EFCAB5: variants seen among roughly 807,000 people sequenced by gnomAD.
The protein encoded by EFCAB5 is EF-hand calcium-binding domain-containing protein 5.
Under a neutral mutation model 167.9 loss-of-function variants are expected in EFCAB5, and 131 were observed. That is an observed-to-expected ratio of 0.78 (90% CI 0.68 to 0.90). The LOEUF is 0.90. EFCAB5 is among the 40% of genes least tolerant of loss of function. The pLI is 0.00. For synonymous variants in EFCAB5, 574 were observed against 602.8 expected (o/e 0.95, Z 0.70); for missense variants, 1,663 against 1,745.2 (o/e 0.95, Z 0.84).
intron 7 of EFCAB5, among the ~76,000 whole-genome samples, chr17:30,031,005 G>T (rs1220277176): frequency 6.6e-6 from 1 of 152,072 alleles, no homozygotes; most frequent in African/African-American, 2.4e-5. Context: ...TAAAATTGGT[G>T]TTCTTCCAAA....
At chr17:30,092,409 CG>C (rs1372898556) in intron 21 of EFCAB5, among the ~76,000 whole-genome samples, 5 of 151,910 alleles carry the variant, frequency 3.3e-5, no homozygotes, top group African/African-American at 1.2e-4. Context: ...TTTTTTGAGA[CG>C]GAGTTTCACT....
chr17:29,997,101 C>T (rs751116335), intron 6 of EFCAB5, among the ~76,000 whole-genome samples: 3 of 151,738 alleles, frequency 2.0e-5, no homozygotes, highest in African/African-American at 4.8e-5. Flanking sequence ...AAAAATTAGC[C>T]GGGCATGGTG....
chr17:29,960,416 C>T (rs978505658), intron 3 of EFCAB5, among the ~76,000 whole-genome samples: 6 of 152,258 alleles, frequency 3.9e-5, no homozygotes, highest in Middle Eastern at 3.4e-3. Context: ...TGCTCTGCCT[C>T]TCTCAAAATT....
chr17:30,009,640 G>A (rs1290604929), intron 7 of EFCAB5, among the ~76,000 whole-genome samples: 1 of 152,034 alleles, frequency 6.6e-6, no homozygotes, highest in Non-Finnish European at 1.5e-5. Context: ...TCATCAGTTG[G>A]TGGACATTTC....
At chr17:30,020,942 G>GTAATAAAGTTTACACTAGAAGA (rs71138867) in intron 7 of EFCAB5, among the ~76,000 whole-genome samples, 5 of 151,784 alleles carry the variant, frequency 3.3e-5, no homozygotes, top group South Asian at 2.1e-4. Context: ...ACAAATTATT[G>GTAATAAAGTTTACACTAGAAGA]TATCAGCATG....
Position 30,092,903 on chromosome 17 carries a change from GT to G in EFCAB5, c.4290del (p.Asn1431MetfsTer39). On this transcript the variant is annotated frameshift_variant, in exon 22 of 23. Coordinates refer to ENST00000394835, the MANE Select transcript of EFCAB5 (RefSeq NM_198529.4). LOFTEE classifies it low-confidence loss of function (END_TRUNC). ...TGATCCAACTGCCAAGCATGTGGAA[GT>G]TAATGTACAGCTTATTGATGAATAT... ...AFDPTAKHVE[V>X]NVQLIDEYIR... 6.2e-7 allele frequency: 1 copy of G among 1,611,526 alleles called. No individual in the cohort carries two copies.
chr17:30,011,429 A>C (rs528467245), intron 7 of EFCAB5, among the ~76,000 whole-genome samples: 8 of 152,210 alleles, frequency 5.3e-5, no homozygotes, highest in African/African-American at 1.9e-4. Context: ...GATTCTTCCT[A>C]TCCATGAGCA....
At chr17:30,061,052 T>C (rs546307813) in intron 14 of EFCAB5, among the ~76,000 whole-genome samples, 1 of 152,214 alleles carries the variant, frequency 6.6e-6, no homozygotes, top group Non-Finnish European at 1.5e-5. Flanking sequence ...TGTGGAATTA[T>C]ATGGGATCAT....
At chr17:30,019,492 C>T (rs1316032671) in intron 7 of EFCAB5, among the ~76,000 whole-genome samples, 1 of 149,344 alleles carries the variant, frequency 6.7e-6, no homozygotes, top group African/African-American at 2.5e-5. Flanking sequence ...GTCGCCCAGG[C>T]TGGAGTGCAG....
chr17:30,106,645 T>A (rs1275159103), intron 22 of EFCAB5, among the ~76,000 whole-genome samples: 3 of 152,080 alleles, frequency 2.0e-5, no homozygotes, highest in Admixed American at 6.5e-5. Flanking sequence ...TTAGTAGAGA[T>A]GGGGTTTCAC....
At chr17:30,000,867 C>T (rs78263979) in intron 7 of EFCAB5, among the ~76,000 whole-genome samples, 39,722 of 152,046 alleles carry the variant, frequency 0.26, 6,522 homozygotes, top group Non-Finnish European at 0.36. Context: ...TTTATATCTC[C>T]CCTGTGATCC....
intron 8 of EFCAB5, among the ~76,000 whole-genome samples, chr17:30,049,999 G>T (rs186945835): frequency 2.6e-5 from 4 of 152,022 alleles, no homozygotes; most frequent in Admixed American, 6.5e-5. Flanking sequence ...TTTAATTATG[G>T]TGTTTCCATA....
chr17:30,067,997 T>C (rs1463265907), intron 14 of EFCAB5, among the ~76,000 whole-genome samples: 1 of 152,148 alleles, frequency 6.6e-6, no homozygotes, highest in African/African-American at 2.4e-5. Flanking sequence ...AGTTGCAGGA[T>C]ACAAAATCAA....
At chr17:29,951,960 T>C (rs2151538161) in intron 3 of EFCAB5, among the ~76,000 whole-genome samples, 1 of 152,338 alleles carries the variant, frequency 6.6e-6, no homozygotes, top group African/African-American at 2.4e-5. Context: ...CTTATGACCC[T>C]GTGCCAGTCT....
At chr17:29,954,035 C>G (rs1182152969) in intron 3 of EFCAB5, among the ~76,000 whole-genome samples, 2 of 152,110 alleles carry the variant, frequency 1.3e-5, no homozygotes, top group African/African-American at 4.8e-5. Flanking sequence ...TTTAGGGTAT[C>G]TGGGGGAAGA....
chr17:30,030,062 T>A (rs9904336), intron 7 of EFCAB5, among the ~76,000 whole-genome samples: 94,528 of 152,108 alleles, frequency 0.62, 31,638 homozygotes, highest in African/African-American at 0.88. Flanking sequence ...TTAAGCAATC[T>A]TTCCTTGGAA....
chr17:30,059,674 G>A lies in EFCAB5; in HGVS notation c.2710G>A (p.Gly904Arg), dbSNP rs778413708. Residue 904 changes from glycine (G) to arginine (R), a missense_variant, in exon 14 of 23, where the codon GGA (glycine) becomes AGA (arginine). By Grantham distance (125) the Gly-to-Arg change is moderately radical (BLOSUM62 -2). Coordinates refer to ENST00000394835, the MANE Select transcript of EFCAB5 (RefSeq NM_198529.4). ...VDELLYTYKE[G>R]MEKESMKKAK... ...TGAACTCTTGTACACATACAAGGAG[G>A]GAATGGAAAAAGAATCTATGAAGAA... The A allele has an allele frequency of 6.9e-6, 11 of 1,591,092 alleles. No homozygotes were observed. The Admixed American group carries it at 8.6e-5, about 12-fold the overall frequency.
chr17:30,104,683 G>A (rs538382297), intron 22 of EFCAB5, among the ~76,000 whole-genome samples: 4 of 152,136 alleles, frequency 2.6e-5, no homozygotes, highest in Non-Finnish European at 5.9e-5. Context: ...CCACAAGAGG[G>A]CAGTAGCACT....
chr17:30,028,914 C>T (rs1031284898), intron 7 of EFCAB5, among the ~76,000 whole-genome samples: 2 of 152,056 alleles, frequency 1.3e-5, no homozygotes, highest in Non-Finnish European at 2.9e-5. Context: ...ACCCTATTGA[C>T]CTCATTTTAA....
Sources: gnomAD v4.1 joint callset for allele counts (sites outside exome capture counted in the v4.1 genomes callset) on GRCh38, gnomAD v4.1.1 for gene constraint, MANE v1.5 for transcripts, NCBI Gene and HGNC (gene_info 2026-07-23, HGNC 2026-07-21) for gene names.